Variants in KPNA5 observed in about 807,000 individuals in gnomAD.
The protein encoded by KPNA5 is karyopherin subunit alpha 5, also known as importin subunit alpha-6.
Under a neutral mutation model 71.3 loss-of-function variants are expected in KPNA5, and 46 were observed. The observed-to-expected ratio is 0.65, with a 90% CI of 0.51 to 0.83. The LOEUF is 0.83. KPNA5 is among the 40% of genes least tolerant of loss of function. The pLI is 0.00. For missense variants in KPNA5, 547 were observed against 628.3 expected (o/e 0.87, Z 1.38); for synonymous variants, 207 against 201.4 (o/e 1.03, Z -0.24).
At chr6:116,714,044 AG>A (rs1222286714) in intron 7 of KPNA5, among the ~76,000 whole-genome samples, 9 of 152,264 alleles carry the variant, frequency 5.9e-5, no homozygotes, top group African/African-American at 2.2e-4. Context: ...GTGATTTCTC[AG>A]GGAAAATTTC....
rs539664992 is a variant in KPNA5, at chr6:116,741,750, G to A, written c.*9427G>A. ...AAAAACAACAAAAAAGCGGTGACAGGAAACAGTTAAGGAAATGATTTAACT... is the reference window on the plus strand; with the variant it reads ...AAAAACAACAAAAAAGCGGTGACAGAAAACAGTTAAGGAAATGATTTAACT... On this transcript the variant is annotated 3_prime_UTR_variant, in exon 14 of 14. Coordinates refer to ENST00000368564, the MANE Select transcript of KPNA5 (RefSeq NM_001366306.2). 6.6e-6 allele frequency: 1 copy of A among 152,314 alleles called. No homozygotes were observed. Among genetic ancestry groups the A allele is most frequent in the African/African-American group, 2.4e-5 (1 of 41,446 alleles). The allele number at this position is 152,314 out of a possible 1,614,324, so 9.4% of individuals were successfully genotyped here.
At chr6:116,684,563 C>T (rs958843749) in intron 1 of KPNA5, among the ~76,000 whole-genome samples, 11 of 152,194 alleles carry the variant, frequency 7.2e-5, no homozygotes, top group Admixed American at 2.6e-4. Flanking sequence ...CTTTGCAGGA[C>T]TCTTAATTTC....
chr6:116,725,863 G>C lies in KPNA5; in HGVS notation c.1112G>C (p.Arg371Thr). The C allele has an allele frequency of 6.2e-7, 1 of 1,612,906 alleles. No individual in the cohort carries two copies. The highest frequency in any genetic ancestry group is 8.5e-7 in the Non-Finnish European group (1 of 1,179,402). Residue 371 changes from arginine (R) to threonine (T), a missense_variant, in exon 11 of 14, where the codon AGA becomes ACA. Physicochemically the swap from Arg to Thr is moderately conservative, Grantham distance 71. Transcript: ENST00000368564. Reference sequence around the variant, plus strand: ...GTTTCTAACATCACTGCTGGAAATAGAGCTCAGATTCAGGTAACTACCCTT... The same window carrying C: ...GTTTCTAACATCACTGCTGGAAATACAGCTCAGATTCAGGTAACTACCCTT... ...WTVSNITAGN[R>T]AQIQAVIDAN...
intron 8 of KPNA5, among the ~76,000 whole-genome samples, chr6:116,716,957 G>T (rs1036442852): frequency 6.6e-6 from 1 of 151,926 alleles, no homozygotes; most frequent in African/African-American, 2.4e-5. Context: ...GCATGAACTA[G>T]TATGCCTTCT....
At chr6:116,696,953 G>C (rs1431385870) in intron 4 of KPNA5, among the ~76,000 whole-genome samples, 1 of 151,050 alleles carries the variant, frequency 6.6e-6, no homozygotes, top group African/African-American at 2.4e-5. Flanking sequence ...TGTGTGGGGG[G>C]GTATATATCA....
In KPNA5 at chr6:116,733,657, TTTTAA is replaced by T. The variant is rs1779572816; in HGVS notation, c.*1339_*1343del. ...AGTTCAACTACTGTTGAACTCAATC[TTTTAA>T]TTTATAGTTATACGTAGGCTATTTA... On this transcript the variant is annotated 3_prime_UTR_variant, in exon 14 of 14. Transcript: ENST00000368564. 1.3e-5 allele frequency: 2 copies of T among 151,522 alleles called. No individual in the cohort carries two copies. The highest frequency in any genetic ancestry group is 4.8e-5 in the African/African-American group (2 of 41,388). The allele number at this position is 151,522 out of a possible 1,614,324, so 9.4% of individuals were successfully genotyped here. A position where few individuals can be genotyped will look rare whatever the true frequency, so the allele number is the denominator to read the frequency against.
chr6:116,720,621 G>A (rs1412488139), intron 8 of KPNA5, among the ~76,000 whole-genome samples: 2 of 152,274 alleles, frequency 1.3e-5, no homozygotes, highest in African/African-American at 2.4e-5. Context: ...GGAGGTTGAG[G>A]TGGGTGGATT....
At chr6:116,698,953 G>A (rs1251646786) in intron 5 of KPNA5, among the ~76,000 whole-genome samples, 155 bp downstream of exon 5, 3 of 151,968 alleles carry the variant, frequency 2.0e-5, no homozygotes, top group Non-Finnish European at 2.9e-5. Context: ...TCTTGGACAC[G>A]GTTTCAGTGC....
Position 116,692,008 on chromosome 6 carries a change from T to C in KPNA5, c.139-47T>C, listed in dbSNP as rs780335023. 1.0e-5 allele frequency: 12 copies of C among 1,184,992 alleles called. No individual in the cohort carries two copies. In the South Asian group the frequency reaches 1.3e-4, roughly 13 times the overall value. The allele number at this position is 1,184,992 out of a possible 1,614,324, so 73.4% of individuals were successfully genotyped here. On this transcript the variant is annotated intron_variant, in intron 2 of 13. Transcript: ENST00000368564. Reference sequence around the variant, plus strand: ...AACATGGAATTCTATGGCAACTTAATGTTTTATGGAAAGCTCAATGTGTAA... The same window carrying C: ...AACATGGAATTCTATGGCAACTTAACGTTTTATGGAAAGCTCAATGTGTAA...
At chr6:116,725,980 C>T (rs1278352815) in intron 11 of KPNA5, 104 bp downstream of exon 11, 14 of 1,279,928 alleles carry the variant, frequency 1.1e-5, no homozygotes, top group Admixed American at 2.4e-5. Flanking sequence ...AAAAAGATAC[C>T]GAAAAAGTAT....
chr6:116,685,453 T>C (rs894539164), intron 1 of KPNA5, among the ~76,000 whole-genome samples: 1 of 152,168 alleles, frequency 6.6e-6, no homozygotes, highest in African/African-American at 2.4e-5. Context: ...CACCCTCCGG[T>C]AGGCCCCCAG....
rs1369198363 is a variant in KPNA5, at chr6:116,701,939, T to G, written c.436-80T>G. On this transcript the variant is annotated intron_variant, in intron 5 of 13. Transcript: ENST00000368564. Reference sequence around the variant, plus strand: ...TCTTTCACACTTGTCCTGGCAGGTCTTTACTCCCTCTCTTTCCTTCTTTGC... The same window carrying G: ...TCTTTCACACTTGTCCTGGCAGGTCGTTACTCCCTCTCTTTCCTTCTTTGC... 10 of 1,366,232 alleles carry G rather than the reference T, an allele frequency of 7.3e-6. No individual in the cohort carries two copies. In the African/African-American group the frequency reaches 1.5e-4, roughly 20 times the overall value. 84.6% of individuals were successfully genotyped at this position (1,366,232 alleles called of 1,614,324 possible).
rs545380057 is a variant in KPNA5 at position 116,719,987 on chromosome 6, C to CT, written c.757-2136dup. Reference sequence around the variant, plus strand: ...GTGCTTCATTTCAACCTCCACTGTGCTTTATATCCCAAAGTTCTGTTTCTG... The same window carrying CT: ...GTGCTTCATTTCAACCTCCACTGTGCTTTTATATCCCAAAGTTCTGTTTCTG... On this transcript the variant is annotated intron_variant, in intron 8 of 13. Transcript: ENST00000368564. 3.6e-4 allele frequency among the ~76,000 whole-genome samples: 55 copies of CT among 152,320 alleles called. 3 individuals carry two copies. The East Asian group carries it at 3.9e-3, about 11-fold the overall frequency.
chr6:116,721,949 ATAG>A (rs1288915688), intron 8 of KPNA5, among the ~76,000 whole-genome samples, 174 bp from the exon 9 acceptor site: 3 of 152,126 alleles, frequency 2.0e-5, no homozygotes, highest in African/African-American at 4.8e-5. Flanking sequence ...ATATAACATA[ATAG>A]TAGTCATAAT....
chr6:116,708,444 G>A (rs1053003180), intron 7 of KPNA5, among the ~76,000 whole-genome samples: 2 of 151,970 alleles, frequency 1.3e-5, no homozygotes, highest in Non-Finnish European at 2.9e-5. Flanking sequence ...CATCTTAGTG[G>A]GTGTAAGTTG....
chr6:116,707,750 AC>A (rs1243751382), intron 7 of KPNA5, among the ~76,000 whole-genome samples: 2 of 152,216 alleles, frequency 1.3e-5, no homozygotes, highest in African/African-American at 4.8e-5. Context: ...TAGAACAGAA[AC>A]TTTTTTTAGT....
At chr6:116,691,292 T>C (rs529058615) in intron 2 of KPNA5, among the ~76,000 whole-genome samples, 1 of 152,346 alleles carries the variant, frequency 6.6e-6, no homozygotes, top group South Asian at 2.1e-4. Flanking sequence ...GTTGTTGTTG[T>C]TTATTTTTAA....
chr6:116,741,780 G>A lies in KPNA5; in HGVS notation c.*9457G>A, dbSNP rs1779878439. On this transcript the variant is annotated 3_prime_UTR_variant, in exon 14 of 14. Transcript: ENST00000368564. ...AGTTAAGGAAATGATTTAACTGAAGGGAAGCAAGATTTTTTTAAAGCATTG... is the reference window on the plus strand; with the variant it reads ...AGTTAAGGAAATGATTTAACTGAAGAGAAGCAAGATTTTTTTAAAGCATTG... The A allele has an allele frequency of 6.6e-6, 1 of 152,126 alleles. No individual in the cohort carries two copies. Among genetic ancestry groups the A allele is most frequent in the African/African-American group, 2.4e-5 (1 of 41,424 alleles). 9.4% of individuals were successfully genotyped at this position (152,126 alleles called of 1,614,324 possible).
At chr6:116,686,869 A>G (rs549373915) in intron 1 of KPNA5, among the ~76,000 whole-genome samples, 5 of 151,898 alleles carry the variant, frequency 3.3e-5, no homozygotes, top group Admixed American at 2.0e-4. Flanking sequence ...TTTATGGGCT[A>G]TTTTGTTTCA....
Sources: allele counts gnomAD v4.1 joint callset (sites outside exome capture counted in the v4.1 genomes callset), GRCh38; gene constraint gnomAD v4.1.1; transcripts MANE v1.5; gene names NCBI Gene and HGNC (gene_info 2026-07-23, HGNC 2026-07-21).